Variants in EYS observed in about 807,000 individuals in gnomAD.
The protein encoded by EYS is EGF-like photoreceptor maintenance factor, also known as protein eyes shut homolog.
EYS carries 250 observed loss-of-function variants against 282.1 expected under a neutral mutation model. That is an observed-to-expected ratio of 0.89 (90% CI 0.80 to 0.98). EYS has a LOEUF of 0.98. Ranked by LOEUF, EYS falls within the 50% of genes least tolerant of loss-of-function variation. EYS has a pLI of 0.00. For missense variants in EYS, 4,016 were observed against 3,709.0 expected (o/e 1.08, Z -2.15); for synonymous variants, 1,355 against 1,282.9 (o/e 1.06, Z -1.20).
intron 2 of EYS, among the ~76,000 whole-genome samples, chr6:65,587,853 T>G: frequency 6.6e-6 from 1 of 152,122 alleles, no homozygotes; most frequent in African/African-American, 2.4e-5. Flanking sequence ...CAACTTATTA[T>G]AGTTGTAGTT....
chr6:64,666,389 C>A (rs1206643258), intron 22 of EYS, among the ~76,000 whole-genome samples: 3 of 152,158 alleles, frequency 2.0e-5, no homozygotes, highest in Non-Finnish European at 4.4e-5. Flanking sequence ...TTACAAAAGT[C>A]AAGACTCTCT....
intron 22 of EYS, among the ~76,000 whole-genome samples, chr6:64,642,081 G>C (rs535764432): frequency 1.6e-4 from 24 of 152,122 alleles, no homozygotes; most frequent in Non-Finnish European, 2.6e-4. Context: ...AAGACAGAAA[G>C]ATTCTGGCTC....
rs934496493 is a variant in EYS at position 65,264,187 on chromosome 6, G to A, written c.2023+31676C>T. On this transcript the variant is annotated intron_variant, in intron 12 of 42. Coordinates refer to ENST00000503581, the MANE Select transcript of EYS (RefSeq NM_001142800.2). Reference sequence around the variant, plus strand: ...TGTTATACCTAGCAAGGCACTTTTTGAACCAATTTAAAGTTATTTACCAGC... The same window carrying A: ...TGTTATACCTAGCAAGGCACTTTTTAAACCAATTTAAAGTTATTTACCAGC... 9.9e-5 allele frequency among the ~76,000 whole-genome samples: 15 copies of A among 152,002 alleles called. No homozygotes were observed. The East Asian group carries it at 2.9e-3, about 29-fold the overall frequency.
Position 65,265,666 on chromosome 6 carries a change from T to C in EYS, c.2023+30197A>G, listed in dbSNP as rs550766834. Among the ~76,000 whole-genome samples, 53 of 152,084 alleles carry C rather than the reference T, an allele frequency of 3.5e-4. 1 individual carries two copies. Among genetic ancestry groups the C allele is most frequent in the South Asian group, 1.0e-3 (5 of 4,822 alleles). On this transcript the variant is annotated intron_variant, in intron 12 of 42. Coordinates refer to ENST00000503581, the MANE Select transcript of EYS (RefSeq NM_001142800.2). ...TGGAATAAATGAAGATTAAATGATATAGAACTACTCAGAAAACAGGATGAC... is the reference window on the plus strand; with the variant it reads ...TGGAATAAATGAAGATTAAATGATACAGAACTACTCAGAAAACAGGATGAC...
intron 33 of EYS, among the ~76,000 whole-genome samples, chr6:64,015,762 A>G (rs1239645907): frequency 6.6e-6 from 1 of 152,222 alleles, no homozygotes; most frequent in Non-Finnish European, 1.5e-5. Flanking sequence ...CACTGGAACC[A>G]GAGGAAGCAT....
intron 22 of EYS, among the ~76,000 whole-genome samples, chr6:64,692,449 A>G (rs1121093): frequency 0.8 from 121,524 of 152,110 alleles, 48,930 homozygotes; most frequent in Non-Finnish European, 0.86. Context: ...CTTTTGCTGC[A>G]AAGAAGCTCT....
intron 19 of EYS, among the ~76,000 whole-genome samples, chr6:64,830,377 A>G (rs1765179366): frequency 6.6e-6 from 1 of 152,110 alleles, no homozygotes; most frequent in South Asian, 2.1e-4. Flanking sequence ...GGGAAGTAGG[A>G]CACTGTTATA....
In EYS at chr6:64,590,454, G is replaced by T; in HGVS notation, c.5413C>A (p.Gln1805Lys). The change falls in exon 26 of 43, where the codon CAG (glutamine) becomes AAG (lysine). Residue 1805 changes from glutamine to lysine, a missense_variant. By Grantham distance (53) the Gln-to-Lys change is moderately conservative. Coordinates refer to ENST00000503581, the MANE Select transcript of EYS (RefSeq NM_001142800.2). ...ATTACAGACATGGAGGAAGACGTCT[G>T]TATTGAAAGTGCTGGAGTTGCTGAA... Reference protein sequence around the residue: ...TVSATPALSIQTSSSMSVIRP... With the variant: ...TVSATPALSIKTSSSMSVIRP... 6.4e-7 allele frequency: 1 copy of T among 1,551,364 alleles called. No individual in the cohort carries two copies. Among genetic ancestry groups the T allele is most frequent in the Non-Finnish European group, 8.7e-7 (1 of 1,146,742 alleles).
At chr6:64,258,260 T>C (rs997217313) in intron 30 of EYS, among the ~76,000 whole-genome samples, 4 of 152,022 alleles carry the variant, frequency 2.6e-5, no homozygotes, top group Non-Finnish European at 5.9e-5. Flanking sequence ...CAATTCATTG[T>C]AAAAGGAGCT....
chr6:64,004,116 C>G (rs1435568472), intron 33 of EYS, among the ~76,000 whole-genome samples: 5 of 152,090 alleles, frequency 3.3e-5, no homozygotes, highest in Non-Finnish European at 7.4e-5. Flanking sequence ...AAGCAGTCCT[C>G]TAAATTTCTT....
intron 2 of EYS, among the ~76,000 whole-genome samples, chr6:65,519,647 T>C (rs1207918707): frequency 2.9e-5 from 4 of 140,154 alleles, no homozygotes; most frequent in African/African-American, 7.9e-5. Context: ...ATAATATGCT[T>C]GGCCAGGTGA....
intron 36 of EYS, among the ~76,000 whole-genome samples, chr6:63,839,699 C>T (rs1052189683): frequency 1.3e-5 from 2 of 152,090 alleles, no homozygotes; most frequent in Admixed American, 6.6e-5. Flanking sequence ...CAGAACATCC[C>T]TTTGACACAC....
chr6:64,438,941 C>T (rs1229693896), intron 27 of EYS, among the ~76,000 whole-genome samples: 3 of 151,554 alleles, frequency 2.0e-5, no homozygotes, highest in African/African-American at 7.2e-5. Context: ...TTGTTAACCA[C>T]TTTATATTAT....
intron 29 of EYS, among the ~76,000 whole-genome samples, chr6:64,366,403 GAGAT>G (rs1273039269): frequency 2.0e-5 from 3 of 152,012 alleles, no homozygotes; most frequent in South Asian, 2.1e-4. Context: ...GAAAGAGAGA[GAGAT>G]AGAGATCCTC....
intron 28 of EYS, among the ~76,000 whole-genome samples, chr6:64,416,686 C>A (rs541860448): frequency 6.6e-6 from 1 of 152,026 alleles, no homozygotes; most frequent in African/African-American, 2.4e-5. Flanking sequence ...TTTATTTCTG[C>A]ATTTTTATTT....
chr6:65,231,019 A>G (rs1157003594), intron 12 of EYS, among the ~76,000 whole-genome samples: 1 of 148,668 alleles, frequency 6.7e-6, no homozygotes, highest in Non-Finnish European at 1.5e-5. Flanking sequence ...TTACCTATGT[A>G]ACAAACCTGC....
At chr6:64,546,984 C>T (rs1764894935) in intron 26 of EYS, among the ~76,000 whole-genome samples, 1 of 152,136 alleles carries the variant, frequency 6.6e-6, no homozygotes, top group African/African-American at 2.4e-5. Context: ...GCCACGGAAC[C>T]TCGCGGTGAG....
At chr6:64,724,156 A>G (rs1281638772) in intron 22 of EYS, among the ~76,000 whole-genome samples, 1 of 152,068 alleles carries the variant, frequency 6.6e-6, no homozygotes, top group Non-Finnish European at 1.5e-5. Flanking sequence ...AAACTTGAGG[A>G]GCTGATTTAA....
intron 2 of EYS, among the ~76,000 whole-genome samples, chr6:65,591,178 T>C (rs1316032231): frequency 6.6e-6 from 1 of 151,978 alleles, no homozygotes; most frequent in East Asian, 1.9e-4. Context: ...CCATTGAAGG[T>C]GAGGTGAGAT....
Sources: allele counts gnomAD v4.1 joint callset (sites outside exome capture counted in the v4.1 genomes callset), GRCh38; gene constraint gnomAD v4.1.1; transcripts MANE v1.5; gene names NCBI Gene and HGNC (gene_info 2026-07-23, HGNC 2026-07-21).